Variants in GALK2 observed in about 807,000 individuals in gnomAD.
GALK2 encodes galactokinase 2.
Under a neutral mutation model 52.4 loss-of-function variants are expected in GALK2, and 36 were observed. The observed-to-expected ratio is 0.69, with a 90% CI of 0.53 to 0.91. The LOEUF (loss-of-function observed/expected upper bound fraction) is 0.91. Among genes scored for constraint, GALK2 ranks in the 40% least tolerant of loss-of-function variants. The pLI is 0.00. For synonymous variants in GALK2, 176 were observed against 199.1 expected (o/e 0.88, Z 0.98); for missense variants, 579 against 559.1 (o/e 1.04, Z -0.36).
At chr15:49,254,314 T>TA (rs1168449714) in intron 5 of GALK2, among the ~76,000 whole-genome samples, 1 of 144,260 alleles carries the variant, frequency 6.9e-6, no homozygotes, top group Non-Finnish European at 1.6e-5. Context: ...ATAAATCTCT[T>TA]ACATTTTAAG....
chr15:49,195,085 A>G (rs189968039), intron 1 of GALK2: 150 of 452,538 alleles, frequency 3.3e-4, no homozygotes, highest in Middle Eastern at 2.5e-3. Flanking sequence ...TTTATTTGAG[A>G]TGGAGTCTCG....
intron 5 of GALK2, among the ~76,000 whole-genome samples, chr15:49,252,374 A>T (rs1321163493): frequency 1.3e-5 from 2 of 152,184 alleles, no homozygotes; most frequent in Non-Finnish European, 2.9e-5. Context: ...ACATCTACAT[A>T]TACTGAATTC....
chr15:49,163,478 C>A (rs1405521831), intron 1 of GALK2, among the ~76,000 whole-genome samples: 1 of 151,988 alleles, frequency 6.6e-6, no homozygotes, highest in African/African-American at 2.4e-5. Context: ...TTTAGGTCTG[C>A]GATCCATTTC....
chr15:49,239,132 A>T (rs1174163194), intron 4 of GALK2, 89 bp from the exon 5 acceptor site: 2 of 1,101,736 alleles, frequency 1.8e-6, no homozygotes, highest in Non-Finnish European at 2.7e-6. Flanking sequence ...CTATTGATAG[A>T]CTTTTGTTCT....
Position 49,225,205 on chromosome 15 carries a change from G to T in GALK2, c.266+7892G>T, listed in dbSNP as rs566787234. On this transcript the variant is annotated intron_variant, in intron 3 of 9. Transcript: ENST00000560031. ...TGATCCTGTCTTTTTCTTTAATTAG[G>T]TCTTCCGGGCTGCAGGGCTCCCTCA... 28 of 455,936 alleles carry T rather than the reference G, an allele frequency of 6.1e-5. 1 individual carries two copies. Among genetic ancestry groups the T allele is most frequent in the South Asian group, 4.2e-4 (27 of 64,558 alleles). 28.2% of individuals were successfully genotyped at this position (455,936 alleles called of 1,614,324 possible).
At chr15:49,156,151 TC>T (rs2084440304) in intron 1 of GALK2, 1 of 836,272 alleles carries the variant, frequency 1.2e-6, no homozygotes, top group Admixed American at 2.2e-5. Flanking sequence ...ACAAAACAAT[TC>T]TATGGATATC....
chr15:49,363,189 A>G (rs1226542378), intron 3 of GALK2, among the ~76,000 whole-genome samples: 1 of 152,220 alleles, frequency 6.6e-6, no homozygotes, highest in Non-Finnish European at 1.5e-5. Context: ...TAGGAATAGC[A>G]TTGAATCTGT....
chr15:49,343,239 T>C (rs1190687889), intron 3 of GALK2, among the ~76,000 whole-genome samples: 1 of 152,152 alleles, frequency 6.6e-6, no homozygotes, highest in Non-Finnish European at 1.5e-5. Context: ...CTTTTTTTAA[T>C]TTTTTGTCAG....
chr15:49,322,548 A>C (rs2036962459), intron 9 of GALK2, among the ~76,000 whole-genome samples: 1 of 152,226 alleles, frequency 6.6e-6, no homozygotes, highest in African/African-American at 2.4e-5. Context: ...GGATAGCCCC[A>C]GGGGAATTAA....
rs563951687 is a variant in GALK2 at position 49,359,430 on chromosome 15, A to T, written c.427-8061A>T. ...AACCCCATCAAATAGTGGGCGAAGG[A>T]CATGAACAGACACTTCTCAAAAGAA... is the stretch of plus-strand genomic sequence containing the variant. On this transcript the variant is annotated intron_variant, in intron 3 of 3. Coordinates refer to the GALK2 transcript ENST00000558399. 1.5e-3 allele frequency among the ~76,000 whole-genome samples: 176 copies of T among 120,044 alleles called. 54 individuals are homozygous for T. In the South Asian group the frequency reaches 0.045, roughly 31 times the overall value. The allele number at this position is 120,044 out of a possible 152,430, so 78.8% of individuals were successfully genotyped here.
intron 3 of GALK2, among the ~76,000 whole-genome samples, chr15:49,223,517 C>A (rs2089950362): frequency 6.6e-6 from 1 of 152,102 alleles, no homozygotes; most frequent in East Asian, 1.9e-4. Context: ...GTTTTTCAGC[C>A]CACACTTCCT....
intron 1 of GALK2, among the ~76,000 whole-genome samples, chr15:49,179,892 A>G (rs1184429934): frequency 6.6e-6 from 1 of 152,120 alleles, no homozygotes; most frequent in African/African-American, 2.4e-5. Context: ...ACTTCCCCCA[A>G]TTACAGCCCT....
At chr15:49,225,322 TGTTCA>T (rs1387050678) in intron 3 of GALK2, 1 of 436,160 alleles carries the variant, frequency 2.3e-6, no homozygotes, top group African/African-American at 2.0e-5. Flanking sequence ...CTTCATGGCC[TGTTCA>T]GAAGTGGGCC....
At chr15:49,249,246 G>T (rs2091486995) in intron 5 of GALK2, among the ~76,000 whole-genome samples, 1 of 152,170 alleles carries the variant, frequency 6.6e-6, no homozygotes. Flanking sequence ...GTTTCACAGA[G>T]GTTATGGTAG....
At position 49,292,448 on chromosome 15, in the gene GALK2, A is replaced by G; in HGVS notation, c.878A>G (p.Glu293Gly). 1 of 1,614,074 alleles carries G rather than the reference A, an allele frequency of 6.2e-7. No individual in the cohort carries two copies. Among genetic ancestry groups the G allele is most frequent in the Non-Finnish European group, 8.5e-7 (1 of 1,179,988 alleles). Residue 293 changes from glutamate to glycine, a missense_variant, in exon 8 of 10, where the codon GAA becomes GGA. Glu to Gly is a moderately conservative substitution (Grantham distance 98). Coordinates refer to ENST00000560031, the MANE Select transcript of GALK2 (RefSeq NM_002044.4). ...GTCACAGAAGATGCCCTTCATCCTG[A>G]ACCCTATAACCCTGAGGAGATCTGC... The part of the protein sequence containing the change: ...LLVTEDALHP[E>G]PYNPEEICRC...
At chr15:49,274,106 G>A (rs1330521334) in intron 5 of GALK2, among the ~76,000 whole-genome samples, 1 of 152,206 alleles carries the variant, frequency 6.6e-6, no homozygotes, top group Non-Finnish European at 1.5e-5. Flanking sequence ...GGGAAGCAGA[G>A]AGCACCGGAG....
At position 49,201,182 on chromosome 15, in the gene GALK2, T is replaced by C. The variant is rs763106907; in HGVS notation, c.74T>C (p.Met25Thr). The stretch of plus-strand genomic sequence containing the variant: ...TTCAGGTTACTGAAGCTAAAGGAGA[T>C]GTTTAACTCCAAGTTTGGATCTATT... ...EHPRLLKLKEMFNSKFGSIPK... is the reference protein window; with the variant it reads ...EHPRLLKLKETFNSKFGSIPK... Residue 25 changes from methionine (M) to threonine (T), a missense_variant, in exon 2 of 10, where the codon ATG (methionine) becomes ACG (threonine). Transcript: ENST00000560031. 4 of 1,603,836 alleles carry C rather than the reference T, an allele frequency of 2.5e-6. No homozygotes were observed. Among genetic ancestry groups the C allele is most frequent in the African/African-American group, 1.3e-5 (1 of 74,798 alleles).
intron 5 of GALK2, among the ~76,000 whole-genome samples, chr15:49,272,263 A>G (rs1189760833): frequency 6.6e-6 from 1 of 152,246 alleles, no homozygotes; most frequent in Non-Finnish European, 1.5e-5. Flanking sequence ...TTTGTAAATT[A>G]AATAAGATGT....
intron 2 of GALK2, 96 bp from the exon 3 acceptor site, chr15:49,217,094 T>C (rs898026956): frequency 9.9e-6 from 10 of 1,014,866 alleles, no homozygotes; most frequent in Middle Eastern, 2.4e-4. Flanking sequence ...TGTTAAAACC[T>C]GGCTCATGGT....
Sources: allele counts gnomAD v4.1 joint callset (sites outside exome capture counted in the v4.1 genomes callset), GRCh38; gene constraint gnomAD v4.1.1; transcripts MANE v1.5; gene names NCBI Gene and HGNC (gene_info 2026-07-23, HGNC 2026-07-21).